Variants in MCTP1 observed in about 807,000 individuals in gnomAD.
MCTP1 encodes the protein multiple C2 and transmembrane domain containing 1.
In MCTP1, 69 loss-of-function variants were observed where a neutral mutation model predicts 120.6. That is an observed-to-expected ratio of 0.57 (90% CI 0.47 to 0.70). MCTP1 has a LOEUF of 0.70. Ranked by LOEUF, MCTP1 falls within the 30% of genes least tolerant of loss-of-function variation. MCTP1 has a pLI of 0.00. For missense variants in MCTP1, 1,203 were observed against 1,248.8 expected (o/e 0.96, Z 0.55); for synonymous variants, 529 against 493.1 (o/e 1.07, Z -0.96).
chr5:94,903,053 A>G (rs544910969), intron 10 of MCTP1, among the ~76,000 whole-genome samples: 42 of 152,342 alleles, frequency 2.8e-4, no homozygotes, highest in African/African-American at 9.9e-4. Flanking sequence ...GTTTAGGTTG[A>G]GTTTATGAAA....
chr5:94,889,782 A>C (rs996308359), intron 11 of MCTP1, among the ~76,000 whole-genome samples: 7 of 148,960 alleles, frequency 4.7e-5, no homozygotes, highest in East Asian at 3.9e-4. Flanking sequence ...ACACACACAC[A>C]CCCCTCTATG....
chr5:94,732,708 A>T (rs1376941850), intron 19 of MCTP1, among the ~76,000 whole-genome samples: 1 of 152,140 alleles, frequency 6.6e-6, no homozygotes, highest in African/African-American at 2.4e-5. Flanking sequence ...AACCCTAGAG[A>T]GTTCTTCTGC....
chr5:94,892,154 C>T (rs888025906), intron 11 of MCTP1, among the ~76,000 whole-genome samples: 2 of 152,136 alleles, frequency 1.3e-5, no homozygotes, highest in Non-Finnish European at 2.9e-5. Context: ...AGCTTGTCAC[C>T]GTGACGTCTT....
intron 1 of MCTP1, among the ~76,000 whole-genome samples, chr5:95,201,069 T>C (rs1750955030): frequency 6.6e-6 from 1 of 152,230 alleles, no homozygotes; most frequent in South Asian, 2.1e-4. Flanking sequence ...CCAAGCCTAC[T>C]GAATTGGAAT....
chr5:94,911,987 C>G (rs909091425), intron 9 of MCTP1, among the ~76,000 whole-genome samples: 1 of 151,988 alleles, frequency 6.6e-6, no homozygotes, highest in African/African-American at 2.4e-5. Flanking sequence ...CTCATTTTTA[C>G]AGATGGGAAA....
chr5:95,272,408 C>A (rs1009871336), intron 1 of MCTP1, among the ~76,000 whole-genome samples: 5 of 152,274 alleles, frequency 3.3e-5, no homozygotes, highest in East Asian at 1.9e-4. Flanking sequence ...AAATAATATA[C>A]CACCTGGATA....
intron 1 of MCTP1, among the ~76,000 whole-genome samples, chr5:95,182,061 TAG>T (rs1748659736): frequency 6.6e-6 from 1 of 152,010 alleles, no homozygotes; most frequent in African/African-American, 2.4e-5. Flanking sequence ...AAAATGTAAA[TAG>T]AGTTACAAAA....
chr5:94,900,692 A>G (rs989452612), intron 10 of MCTP1, among the ~76,000 whole-genome samples: 1 of 152,194 alleles, frequency 6.6e-6, no homozygotes, highest in Non-Finnish European at 1.5e-5. Context: ...GAAGAAAGTT[A>G]TTTGGCATCA....
intron 19 of MCTP1, among the ~76,000 whole-genome samples, chr5:94,724,029 G>A (rs1244897184): frequency 6.6e-6 from 1 of 151,888 alleles, no homozygotes; most frequent in Non-Finnish European, 1.5e-5. Context: ...AGAAAGGGAA[G>A]GAAAATGTCT....
At chr5:94,770,376 G>C (rs557307108) in intron 19 of MCTP1, among the ~76,000 whole-genome samples, 1 of 152,314 alleles carries the variant, frequency 6.6e-6, no homozygotes, top group Admixed American at 6.5e-5. Flanking sequence ...CAATACAGAA[G>C]TTAACTAGCT....
chr5:94,947,579 G>T (rs634003), intron 3 of MCTP1, among the ~76,000 whole-genome samples: 9,825 of 23,856 alleles, frequency 0.41, 671 homozygotes, highest in East Asian at 0.44. Context: ...TATATATATA[G>T]AGAGAGAGAG....
intron 1 of MCTP1, among the ~76,000 whole-genome samples, chr5:95,050,835 G>A (rs1745715277): frequency 6.6e-6 from 1 of 152,076 alleles, no homozygotes; most frequent in African/African-American, 2.4e-5. Flanking sequence ...GTTAAGATGA[G>A]GTCATCCTAG....
At chr5:95,234,427 T>A (rs1025257326) in intron 1 of MCTP1, among the ~76,000 whole-genome samples, 1 of 152,176 alleles carries the variant, frequency 6.6e-6, no homozygotes, top group African/African-American at 2.4e-5. Context: ...GAGTCAAGAT[T>A]TACATAAATC....
intron 1 of MCTP1, among the ~76,000 whole-genome samples, chr5:95,223,072 G>A (rs1753858620): frequency 6.6e-6 from 1 of 152,142 alleles, no homozygotes; most frequent in Non-Finnish European, 1.5e-5. Context: ...TCATTATGGA[G>A]GAGAATCCAC....
chr5:95,035,727 A>T (rs933201148), intron 1 of MCTP1, among the ~76,000 whole-genome samples: 5 of 152,068 alleles, frequency 3.3e-5, no homozygotes, highest in South Asian at 2.1e-4. Context: ...GTAATTAAAA[A>T]ATATATATAT....
chr5:94,721,844 G>GTTT (rs11423883), intron 19 of MCTP1, among the ~76,000 whole-genome samples: 97 of 135,114 alleles, frequency 7.2e-4, no homozygotes, highest in Non-Finnish European at 1.3e-3. Context: ...ACACTGTTTT[G>GTTT]TTTTTTTTTT....
chr5:95,041,639 A>G (rs1842378780), intron 1 of MCTP1, among the ~76,000 whole-genome samples: 2 of 152,300 alleles, frequency 1.3e-5, no homozygotes, highest in African/African-American at 4.8e-5. Flanking sequence ...TTAGCTGGAT[A>G]GTATTTTAGG....
Position 94,707,262 on chromosome 5 carries a change from C to T in MCTP1, c.*234G>A. The stretch of plus-strand genomic sequence containing the variant: ...TCTTTCAGTGTGTTATATTATTATC[C>T]ACAGCTAACAAGGTTTTGACACAGC... On this transcript the variant is annotated 3_prime_UTR_variant, in exon 23 of 23. Transcript: ENST00000515393. 3.1e-5 allele frequency: 13 copies of T among 418,330 alleles called. No homozygotes were observed. The highest frequency in any genetic ancestry group is 7.9e-5 in the South Asian group (2 of 25,242). 25.9% of individuals were successfully genotyped at this position (418,330 alleles called of 1,614,324 possible). A position where few individuals can be genotyped will look rare whatever the true frequency, so the allele number is the denominator to read the frequency against.
intron 1 of MCTP1, among the ~76,000 whole-genome samples, chr5:95,266,347 T>C (rs923109679): frequency 6.6e-6 from 1 of 152,244 alleles, no homozygotes; most frequent in South Asian, 2.1e-4. Flanking sequence ...AGTCCATGGA[T>C]TGAAAGTCAT....
Sources: gnomAD v4.1 joint callset for allele counts (sites outside exome capture counted in the v4.1 genomes callset) on GRCh38, gnomAD v4.1.1 for gene constraint, MANE v1.5 for transcripts, NCBI Gene and HGNC (gene_info 2026-07-23, HGNC 2026-07-21) for gene names.